The following SKOR2 variants were observed in gnomAD, a reference collection of about 807,000 sequenced individuals.
The protein encoded by SKOR2 is SKI family transcriptional corepressor 2, also known as LBX1 corepressor 1-like protein.
A neutral mutation model predicts 69.1 loss-of-function variants in SKOR2; 47 were observed. That is an observed-to-expected ratio of 0.68 (90% confidence interval 0.54 to 0.87). SKOR2 has a LOEUF of 0.87. Among genes scored for constraint, SKOR2 ranks in the 40% least tolerant of loss-of-function variants. The pLI is 0.00. For missense variants in SKOR2, 1,404 were observed against 1,472.2 expected (o/e 0.95, Z 0.76); for synonymous variants, 717 against 672.6 (o/e 1.07, Z -1.02).
intron 3 of SKOR2, 70 bp from the exon 4 acceptor site, chr18:47,245,052 T>TG: frequency 7.1e-7 from 1 of 1,399,960 alleles, no homozygotes. Flanking sequence ...GATCCAATTT[T>TG]TTTTTTTTTG....
intron 4 of SKOR2, among the ~76,000 whole-genome samples, chr18:47,237,703 T>TC (rs200240429): frequency 1.6e-4 from 24 of 150,406 alleles, no homozygotes; most frequent in Admixed American, 5.3e-4. Context: ...CTTTTTCTTT[T>TC]TTTTTTTTTT....
At chr18:47,246,203 C>T (rs952330043) in intron 2 of SKOR2, among the ~76,000 whole-genome samples, 22 of 152,114 alleles carry the variant, frequency 1.4e-4, no homozygotes, top group African/African-American at 9.7e-5. Flanking sequence ...CAGGCTGCTC[C>T]GGTGTTGTGG....
At chr18:47,246,481 C>A in intron 2 of SKOR2, 90 bp downstream of exon 2, 1 of 1,369,388 alleles carries the variant, frequency 7.3e-7, no homozygotes, top group Non-Finnish European at 9.4e-7. Context: ...TCTGGTGATT[C>A]ATCTTTCCTG....
Position 47,247,902 on chromosome 18 carries a change from C to T in SKOR2, c.1282G>A (p.Gly428Ser). The stretch of plus-strand genomic sequence containing the variant: ...CCCCCCAGGGCCTCAGCGGCGGCAC[C>T]CGCATCCTCTTTCTTATGGCACAAG... ...FSLCHKKEDA[G>S]AAAEALGGAG... Residue 428 changes from glycine to serine, a missense_variant, in exon 2 of 9, where the codon GGT (glycine) becomes AGT (serine). This residue lies in a region of SKOR2 where 1,266 missense variants were observed against 1,309.9 expected (regional missense o/e 0.97). Coordinates refer to ENST00000425639, the MANE Select transcript of SKOR2 (RefSeq NM_001278063.4). The surrounding 1 kb of genome is among the most constrained non-coding windows in gnomAD (Gnocchi z 6.6). 4 of 1,366,212 alleles carry T rather than the reference C, an allele frequency of 2.9e-6. No homozygotes were observed. The highest frequency in any genetic ancestry group is 3.7e-6 in the Non-Finnish European group (4 of 1,067,166). 84.6% of individuals were successfully genotyped at this position (1,366,212 alleles called of 1,614,324 possible).
chr18:47,234,157 A>G (rs962229606), intron 4 of SKOR2, among the ~76,000 whole-genome samples: 1 of 152,176 alleles, frequency 6.6e-6, no homozygotes, highest in Non-Finnish European at 1.5e-5. Context: ...TTCGTATATT[A>G]CTAATCTGTG....
At chr18:47,227,470 TG>T (rs2064182824) in intron 6 of SKOR2, among the ~76,000 whole-genome samples, 1 of 151,392 alleles carries the variant, frequency 6.6e-6, no homozygotes. Flanking sequence ...CCTGAGTAGC[TG>T]GGATTCATAC....
At chr18:47,217,704 C>G (rs553162132) in intron 7 of SKOR2, among the ~76,000 whole-genome samples, 4 of 152,080 alleles carry the variant, frequency 2.6e-5, no homozygotes, top group Non-Finnish European at 5.9e-5. Flanking sequence ...AGCAGGAAAA[C>G]CTTGGGCATC....
In SKOR2 at chr18:47,212,149, G is replaced by A; in HGVS notation, c.2988C>T (p.Ile996=). The A allele has an allele frequency of 8.1e-7, 1 of 1,231,970 alleles. No individual in the cohort carries two copies. The highest frequency in any genetic ancestry group is 1.0e-6 in the Non-Finnish European group (1 of 987,868). The allele number at this position is 1,231,970 out of a possible 1,614,324, so 76.3% of individuals were successfully genotyped here. The change falls in exon 8 of 9, where the codon ATC becomes ATT. Residue 996 remains isoleucine (I), a splice_region_variant and synonymous_variant. Transcript: ENST00000425639. The stretch of plus-strand genomic sequence containing the variant: ...TCCTGATCAAACTTGCTGCATAGGG[G>A]ATCTGTAAGACAAAAACAAGCAACA... ...REEMVQQLQI[I]PYAASLIRKE...
At chr18:47,222,586 G>A (rs569237039) in intron 6 of SKOR2, among the ~76,000 whole-genome samples, 3 of 152,304 alleles carry the variant, frequency 2.0e-5, no homozygotes, top group South Asian at 4.1e-4. Flanking sequence ...GCTGTGGCCC[G>A]CAGGCCTCCA....
intron 6 of SKOR2, among the ~76,000 whole-genome samples, chr18:47,227,787 C>G (rs944922416): frequency 1.1e-4 from 17 of 152,206 alleles, no homozygotes; most frequent in African/African-American, 4.1e-4. Context: ...CTCATTCAGT[C>G]CTCTCATTCT....
At chr18:47,219,551 T>C (rs972813512) in intron 7 of SKOR2, among the ~76,000 whole-genome samples, 7 of 152,154 alleles carry the variant, frequency 4.6e-5, no homozygotes, top group South Asian at 2.1e-4. Flanking sequence ...TTGTGTTTTA[T>C]TGGTAGTGGA....
At chr18:47,250,447 A>G (rs1286504040) in intron 1 of SKOR2, among the ~76,000 whole-genome samples, 1 of 152,256 alleles carries the variant, frequency 6.6e-6, no homozygotes, top group African/African-American at 2.4e-5. Flanking sequence ...CTAGGAAAAC[A>G]AACACTGATC....
intron 4 of SKOR2, among the ~76,000 whole-genome samples, chr18:47,243,818 T>C (rs2064259323): frequency 6.6e-6 from 1 of 152,200 alleles, no homozygotes; most frequent in Non-Finnish European, 1.5e-5. Flanking sequence ...AATGCCATAA[T>C]GCACAAAATG....
At chr18:47,241,118 G>A (rs2064246760) in intron 4 of SKOR2, among the ~76,000 whole-genome samples, 1 of 152,048 alleles carries the variant, frequency 6.6e-6, no homozygotes, top group Non-Finnish European at 1.5e-5. Flanking sequence ...GCAATGTGAG[G>A]GCAGGGACTC....
rs1753025968 is a variant in SKOR2, at chr18:47,248,316, G to A, written c.868C>T (p.Pro290Ser). Residue 290 changes from proline (P) to serine (S), a missense_variant, in exon 2 of 9, where the codon CCG becomes TCG. Transcript: ENST00000425639. This position sits in a 1 kb window ranked among gnomAD's most constrained non-coding sequence, Gnocchi z 6.4. ...AGCTCTGCCAAGGGCGGCGGTGGCGGCGGCGGCGGCGGGGGCGCACCCAGC... is the reference window on the plus strand; with the variant it reads ...AGCTCTGCCAAGGGCGGCGGTGGCGACGGCGGCGGCGGGGGCGCACCCAGC... ...HLLGAPPPPP[P>S]PPPPLAELAG... The A allele has an allele frequency of 1.7e-6, 2 of 1,201,174 alleles. No homozygotes were observed. Among genetic ancestry groups the A allele is most frequent in the Non-Finnish European group, 2.1e-6 (2 of 970,746 alleles). The allele number at this position is 1,201,174 out of a possible 1,614,324, so 74.4% of individuals were successfully genotyped here. A position where few individuals can be genotyped will look rare whatever the true frequency, so the allele number is the denominator to read the frequency against.
At chr18:47,238,076 T>C (rs2064232355) in intron 4 of SKOR2, among the ~76,000 whole-genome samples, 2 of 152,154 alleles carry the variant, frequency 1.3e-5, no homozygotes, top group African/African-American at 2.4e-5. Flanking sequence ...CTTAGAAGCA[T>C]GGCCCCAGCC....
chr18:47,213,966 G>T, intron 7 of SKOR2, among the ~76,000 whole-genome samples: 1 of 152,190 alleles, frequency 6.6e-6, no homozygotes, highest in Non-Finnish European at 1.5e-5. Flanking sequence ...ACATGACAGA[G>T]CCTGGAATGG....
chr18:47,216,815 C>G (rs114276869), intron 7 of SKOR2, among the ~76,000 whole-genome samples: 2 of 151,876 alleles, frequency 1.3e-5, no homozygotes, highest in Admixed American at 1.3e-4. Context: ...AAAAAAAAAG[C>G]CTGTTTTGTA....
intron 3 of SKOR2, 124 bp downstream of exon 3, chr18:47,245,374 C>A (rs1358397762): frequency 5.8e-6 from 5 of 865,350 alleles, no homozygotes; most frequent in Non-Finnish European, 8.1e-6. Flanking sequence ...AAAAAGAGCC[C>A]ACAAATCAAT....
Sources: allele counts gnomAD v4.1 joint callset (sites outside exome capture counted in the v4.1 genomes callset), GRCh38; gene constraint gnomAD v4.1.1; regional missense constraint gnomAD v4.1.1; non-coding constraint Gnocchi (gnomAD v3.1); transcripts MANE v1.5; gene names NCBI Gene and HGNC (gene_info 2026-07-23, HGNC 2026-07-21).